HECTD4: variants seen among roughly 807,000 people sequenced by gnomAD.
HECTD4 encodes the protein HECT domain E3 ubiquitin protein ligase 4.
HECTD4 carries 114 observed loss-of-function variants against 471.5 expected under a neutral mutation model. The ratio of observed to expected loss-of-function variants is 0.24; its 90% CI spans 0.21 to 0.28. The LOEUF is 0.28. Ranked by LOEUF, HECTD4 falls within the 10% of genes least tolerant of loss-of-function variation. The pLI, the probability that HECTD4 is intolerant of heterozygous loss-of-function variation, is 1.00. For synonymous variants in HECTD4, 2,012 were observed against 2,256.0 expected, an observed-to-expected ratio of 0.89 and a Z score of 3.07; for missense variants, 3,866 against 5,651.5, an observed-to-expected ratio of 0.68 and a Z score of 10.13.
At chr12:112,200,876 C>CGTGCGTGTGTGT in intron 54 of HECTD4, 78 bp from the exon 55 acceptor site, 1 of 1,062,276 alleles carries the variant, frequency 9.4e-7, no homozygotes. Flanking sequence ...TGTGTGTGTG[C>CGTGCGTGTGTGT]GTGCGTGCGT....
At chr12:112,196,573 A>G (rs2032250719) in intron 55 of HECTD4, among the ~76,000 whole-genome samples, 1 of 152,146 alleles carries the variant, frequency 6.6e-6, no homozygotes, top group South Asian at 2.1e-4. Context: ...AGGCAAAGTT[A>G]CCAGGGACGG....
In HECTD4 at chr12:112,163,291, G is replaced by A. The variant is rs149761829; in HGVS notation, c.12898-27C>T. 20 of 1,578,142 alleles carry A rather than the reference G, an allele frequency of 1.3e-5. No homozygotes were observed. The highest frequency in any genetic ancestry group is 1.7e-4 in the Middle Eastern group (1 of 5,816). On this transcript the variant is annotated intron_variant, in intron 74 of 75. Transcript: ENST00000682272. The surrounding 1 kb of genome is among the most constrained non-coding windows in gnomAD (Gnocchi z 8.2). Reference sequence around the variant, plus strand: ...TGGGGAGGAGAGGTCCAGGTGTCAGGAGCCCTGGAGCCCCACCTACCCAGT... The same window carrying A: ...TGGGGAGGAGAGGTCCAGGTGTCAGAAGCCCTGGAGCCCCACCTACCCAGT...
intron 32 of HECTD4, among the ~76,000 whole-genome samples, chr12:112,242,009 G>A (rs1378188785): frequency 1.3e-5 from 2 of 152,200 alleles, no homozygotes; most frequent in African/African-American, 4.8e-5. Context: ...GGCTTGCAGA[G>A]AAATGCATTT....
chr12:112,331,389 C>T (rs755534446), intron 1 of HECTD4, among the ~76,000 whole-genome samples: 9 of 152,198 alleles, frequency 5.9e-5, no homozygotes, highest in African/African-American at 2.2e-4. Context: ...GTTTTTAAAG[C>T]CCACAGGTGA....
At chr12:112,215,169 A>G (rs968552899) in intron 48 of HECTD4, among the ~76,000 whole-genome samples, 1 of 152,062 alleles carries the variant, frequency 6.6e-6, no homozygotes, top group Non-Finnish European at 1.5e-5. Flanking sequence ...ACAAACAAAC[A>G]AACAAAAAAC....
At chr12:112,323,910 T>G (rs1367958632) in intron 1 of HECTD4, among the ~76,000 whole-genome samples, 1 of 151,280 alleles carries the variant, frequency 6.6e-6, no homozygotes, top group Non-Finnish European at 1.5e-5. Context: ...AATAATATCA[T>G]TAAAAATAAA....
chr12:112,311,797 G>A (rs1293883830), intron 4 of HECTD4, among the ~76,000 whole-genome samples: 1 of 152,112 alleles, frequency 6.6e-6, no homozygotes, highest in African/African-American at 2.4e-5. Context: ...TTTTTAAAAG[G>A]AGAGAATCAA....
chr12:112,247,088 G>C lies in HECTD4; in HGVS notation c.4338-12C>G, dbSNP rs746613134. The C allele has an allele frequency of 3.8e-6, 6 of 1,586,468 alleles. No homozygotes were observed. In the African/African-American group the frequency reaches 8.1e-5, roughly 21 times the overall value. On this transcript the variant is annotated splice_polypyrimidine_tract_variant and intron_variant, in intron 28 of 75. Transcript: ENST00000682272. ...GTAGGAACTTCTCCCTATAAAGAAA[G>C]ACTGATGTGCATTGAGTTGTTCTCT...
In HECTD4 at chr12:112,283,199, C is replaced by G. The variant is rs987458686; in HGVS notation, c.1439G>C (p.Arg480Thr). The change falls in exon 8 of 76, where the codon AGA (arginine) becomes ACA (threonine). Residue 480 changes from arginine (R) to threonine (T), a missense_variant. Physicochemically the swap from Arg to Thr is moderately conservative, Grantham distance 71. Coordinates refer to ENST00000682272, the MANE Select transcript of HECTD4 (RefSeq NM_001388303.1). ...AKSINEMLLS[R>T]LSRYRASPSA... is the part of the protein sequence containing the mutation. ...CGGGGAGGCTCTATACCGAGAAAGT[C>G]TACTTAGAAGCATCTCATTAATGCT... The G allele has an allele frequency of 6.2e-7, 1 of 1,613,766 alleles. No individual in the cohort carries two copies. Among genetic ancestry groups the G allele is most frequent in the Non-Finnish European group, 8.5e-7 (1 of 1,179,864 alleles).
chr12:112,243,286 A>G lies in HECTD4; in HGVS notation c.4958+67T>C, dbSNP rs866254943. ...TACTACCGCCTATGTTTGGGTCCCAAGAATAATCTTTTGAATGGCTCTGAC... is the reference window on the plus strand; with the variant it reads ...TACTACCGCCTATGTTTGGGTCCCAGGAATAATCTTTTGAATGGCTCTGAC... On this transcript the variant is annotated intron_variant, in intron 32 of 75. Transcript: ENST00000682272. This position sits in a 1 kb window ranked among gnomAD's most constrained non-coding sequence, Gnocchi z 6.6. The G allele has an allele frequency of 1.4e-6, 2 of 1,411,882 alleles. No homozygotes were observed. Among genetic ancestry groups the G allele is most frequent in the Non-Finnish European group, 1.9e-6 (2 of 1,032,890 alleles). The allele number at this position is 1,411,882 out of a possible 1,614,324, so 87.5% of individuals were successfully genotyped here.
At chr12:112,306,009 A>G in intron 7 of HECTD4, 55 bp downstream of exon 7, 1 of 1,535,748 alleles carries the variant, frequency 6.5e-7, no homozygotes, top group African/African-American at 1.4e-5. Flanking sequence ...CAATATAAAA[A>G]GAAAGCAAAC....
At chr12:112,330,831 G>A (rs1279066885) in intron 1 of HECTD4, among the ~76,000 whole-genome samples, 3 of 152,194 alleles carry the variant, frequency 2.0e-5, no homozygotes, top group Admixed American at 2.0e-4. Context: ...CTTCTGGAAT[G>A]ATGGAAAATA....
At position 112,171,211 on chromosome 12, in the gene HECTD4, G is replaced by A. The variant is rs372353702; in HGVS notation, c.11838C>T (p.Asn3946=). ...GCAGGAAGAAGGTCTCCAGTGTGGT[G>A]TTGAGGGACTGCAGCAAGGCGAAGC... ...RLRFALLQSL[N]TTLETFFLPL... The change falls in exon 68 of 76, where the codon AAC becomes AAT. Residue 3946 remains asparagine, a synonymous_variant. Coordinates refer to ENST00000682272, the MANE Select transcript of HECTD4 (RefSeq NM_001388303.1). 3.2e-4 allele frequency: 518 copies of A among 1,612,756 alleles called. 1 individual carries two copies. The highest frequency in any genetic ancestry group is 3.9e-4 in the Non-Finnish European group (463 of 1,179,514).
Position 112,228,923 on chromosome 12 carries a change from A to G in HECTD4, c.6520-112T>C, listed in dbSNP as rs772421960. On this transcript the variant is annotated intron_variant, in intron 41 of 75. Coordinates refer to ENST00000682272, the MANE Select transcript of HECTD4 (RefSeq NM_001388303.1). The surrounding 1 kb of genome is among the most constrained non-coding windows in gnomAD (Gnocchi z 4.9). ...AGTTGTCATTGTTGGCGTTACAGTAATAGTTTATACTACTAGGGTAGCAGA... is the reference window on the plus strand; with the variant it reads ...AGTTGTCATTGTTGGCGTTACAGTAGTAGTTTATACTACTAGGGTAGCAGA... 9.5e-7 allele frequency: 1 copy of G among 1,048,554 alleles called. No individual in the cohort carries two copies. The highest frequency in any genetic ancestry group is 1.4e-6 in the Non-Finnish European group (1 of 695,546). The allele number at this position is 1,048,554 out of a possible 1,614,324, so 65.0% of individuals were successfully genotyped here.
At chr12:112,320,540 A>G (rs2035563676) in intron 1 of HECTD4, among the ~76,000 whole-genome samples, 2 of 151,974 alleles carry the variant, frequency 1.3e-5, no homozygotes, top group Non-Finnish European at 2.9e-5. Flanking sequence ...TCTACTAAAA[A>G]TACAAAAAAA....
In HECTD4 at chr12:112,261,422, T is replaced by C. The variant is rs746219831; in HGVS notation, c.2756A>G (p.Lys919Arg). 2 of 1,602,882 alleles carry C rather than the reference T, an allele frequency of 1.2e-6. No homozygotes were observed. Among genetic ancestry groups the C allele is most frequent in the South Asian group, 2.2e-5 (2 of 90,516 alleles). Residue 919 changes from lysine to arginine, a missense_variant, in exon 18 of 76, where the codon AAA (lysine) becomes AGA (arginine). Lys to Arg is a conservative substitution (Grantham distance 26). This residue lies in a region of HECTD4 where 525 missense variants were observed against 672.6 expected (regional missense o/e 0.78). Transcript: ENST00000682272. ...GGTGGCAAGAGCCAAAATACTGACT[T>C]TTAGCTCCTAGGCAGAAAATATCAT... ...QGETLKVQEL[K>R]VSILALATQI... is the part of the protein sequence containing the mutation.
intron 1 of HECTD4, among the ~76,000 whole-genome samples, chr12:112,359,822 C>T (rs1368691327): frequency 1.3e-5 from 2 of 152,114 alleles, no homozygotes; most frequent in Non-Finnish European, 2.9e-5. Context: ...AACTGATCCT[C>T]CTGCCTCAGC....
At position 112,228,052 on chromosome 12, in the gene HECTD4, A is replaced by G; in HGVS notation, c.6854+37T>C. The G allele has an allele frequency of 6.5e-7, 1 of 1,540,400 alleles. No homozygotes were observed. ...ATCCCTTCTTCTGTCAGCTTGCACC[A>G]TGTCAGCACATAAGGCAATGTGGGG... is the stretch of plus-strand genomic sequence containing the variant. On this transcript the variant is annotated intron_variant, in intron 43 of 75. Transcript: ENST00000682272. The surrounding 1 kb of genome is among the most constrained non-coding windows in gnomAD (Gnocchi z 4.9).
Position 112,252,402 on chromosome 12 carries a change from G to A in HECTD4, c.3552+22C>T, listed in dbSNP as rs184758768. 1.5e-3 allele frequency: 2,428 copies of A among 1,567,794 alleles called. 1 individual carries two copies. Among genetic ancestry groups the A allele is most frequent in the Non-Finnish European group, 1.8e-3 (2,082 of 1,160,938 alleles). ...ATAGCAGATAGTACATTTTGTCCACGGCAGTGGTTAGATTCAAGTACCTGA... is the reference window on the plus strand; with the variant it reads ...ATAGCAGATAGTACATTTTGTCCACAGCAGTGGTTAGATTCAAGTACCTGA... On this transcript the variant is annotated intron_variant, in intron 23 of 75. Coordinates refer to ENST00000682272, the MANE Select transcript of HECTD4 (RefSeq NM_001388303.1).
Sources: allele counts gnomAD v4.1 joint callset (sites outside exome capture counted in the v4.1 genomes callset), GRCh38; gene constraint gnomAD v4.1.1; regional missense constraint gnomAD v4.1.1; non-coding constraint Gnocchi (gnomAD v3.1); transcripts MANE v1.5; gene names NCBI Gene and HGNC (gene_info 2026-07-23, HGNC 2026-07-21).